Variants in ANGPT2 observed in about 807,000 individuals in gnomAD.
ANGPT2 encodes angiopoietin 2.
A neutral mutation model predicts 62.9 loss-of-function variants in ANGPT2; 28 were observed. That is an observed-to-expected ratio of 0.44 (90% CI 0.33 to 0.61). The LOEUF is 0.61. Among genes scored for constraint, ANGPT2 ranks in the 20% least tolerant of loss-of-function variants. The pLI is 0.03. For synonymous variants in ANGPT2, 284 were observed against 207.8 expected (o/e 1.37, Z -3.15); for missense variants, 727 against 594.9 (o/e 1.22, Z -2.31).
intron 7 of ANGPT2, among the ~76,000 whole-genome samples, chr8:6,511,110 T>C (rs937586402): frequency 5.3e-5 from 8 of 152,252 alleles, no homozygotes; most frequent in Non-Finnish European, 1.0e-4. Context: ...TGGAACTTGT[T>C]AAATTATCCC....
At chr8:6,527,377 G>T (rs1458516575) in intron 3 of ANGPT2, among the ~76,000 whole-genome samples, 178 bp downstream of exon 3, 2 of 152,258 alleles carry the variant, frequency 1.3e-5, no homozygotes, top group Non-Finnish European at 2.9e-5. Context: ...TGTTAGGAGA[G>T]CTGTGCCTGT....
At chr8:6,537,286 G>C (rs1820674407) in intron 1 of ANGPT2, among the ~76,000 whole-genome samples, 1 of 152,144 alleles carries the variant, frequency 6.6e-6, no homozygotes, top group African/African-American at 2.4e-5. Flanking sequence ...ATGTGTGCGA[G>C]GACAGTGTGT....
At chr8:6,503,695 G>C (rs1046287238) in intron 8 of ANGPT2, among the ~76,000 whole-genome samples, 1 of 152,152 alleles carries the variant, frequency 6.6e-6, no homozygotes, top group Admixed American at 6.6e-5. Context: ...TGATTTTTTC[G>C]GTTGAAGTTT....
intron 1 of ANGPT2, among the ~76,000 whole-genome samples, chr8:6,548,925 T>A (rs1013995494): frequency 1.3e-5 from 2 of 152,236 alleles, no homozygotes; most frequent in Non-Finnish European, 2.9e-5. Flanking sequence ...ACTACCTCCT[T>A]GTTAACCTCT....
Position 6,514,622 on chromosome 8 carries a change from A to G in ANGPT2, c.1029+55T>C, listed in dbSNP as rs898575981. On this transcript the variant is annotated intron_variant, in intron 6 of 8. Coordinates refer to ENST00000629816, the MANE Select transcript of ANGPT2 (RefSeq NM_001118887.2). The stretch of plus-strand genomic sequence containing the variant: ...GGTGGTTAAGGTTCCGCAGATCTTG[A>G]AAGCTATTTTTCACAAGGGAAATTC... 8.0e-6 allele frequency: 12 copies of G among 1,493,582 alleles called. No homozygotes were observed. In the Admixed American group the frequency reaches 8.4e-5, roughly 10 times the overall value. 92.5% of individuals were successfully genotyped at this position (1,493,582 alleles called of 1,614,324 possible).
intron 3 of ANGPT2, among the ~76,000 whole-genome samples, chr8:6,524,693 G>A (rs1016452406): frequency 2.0e-5 from 3 of 152,170 alleles, no homozygotes; most frequent in Non-Finnish European, 4.4e-5. Context: ...TAGATGTTTT[G>A]ATGGTCTTCA....
Position 6,563,044 on chromosome 8 carries a change from G to C in ANGPT2, c.-110C>G, listed in dbSNP as rs1318248168. 1.6e-6 allele frequency: 2 copies of C among 1,246,974 alleles called. No homozygotes were observed. The highest frequency in any genetic ancestry group is 1.1e-6 in the Non-Finnish European group (1 of 916,228). The allele number at this position is 1,246,974 out of a possible 1,614,324, so 77.2% of individuals were successfully genotyped here. On this transcript the variant is annotated 5_prime_UTR_variant, in exon 1 of 9. Coordinates refer to ENST00000629816, the MANE Select transcript of ANGPT2 (RefSeq NM_001118887.2). ...CAGGGCTGCTACGCTGCCATGGCTG[G>C]GTCCGTCAATGAAAGTCTTCTCTTT...
intron 1 of ANGPT2, among the ~76,000 whole-genome samples, chr8:6,561,447 TGAG>T (rs1438987226): frequency 1.3e-5 from 2 of 152,204 alleles, no homozygotes; most frequent in African/African-American, 2.4e-5. Flanking sequence ...GGGGAGGTAA[TGAG>T]GAGCACCGAT....
intron 2 of ANGPT2, among the ~76,000 whole-genome samples, chr8:6,530,166 C>T (rs544789488): frequency 6.6e-6 from 1 of 152,126 alleles, no homozygotes; most frequent in East Asian, 1.9e-4. Flanking sequence ...GGGCATGTGA[C>T]TTAATCATTA....
intron 1 of ANGPT2, among the ~76,000 whole-genome samples, chr8:6,548,159 T>C (rs939438668): frequency 3.9e-5 from 6 of 152,204 alleles, no homozygotes; most frequent in African/African-American, 1.2e-4. Flanking sequence ...CACTGGAATC[T>C]TGGCCTTCTC....
At chr8:6,533,273 C>CTCATT (rs1441528823) in intron 1 of ANGPT2, among the ~76,000 whole-genome samples, 2 of 152,212 alleles carry the variant, frequency 1.3e-5, no homozygotes, top group Non-Finnish European at 2.9e-5. Flanking sequence ...AAGGAAGAAG[C>CTCATT]TCATTTCACT....
intron 1 of ANGPT2, among the ~76,000 whole-genome samples, chr8:6,546,049 A>G (rs1472209910): frequency 6.6e-6 from 1 of 152,266 alleles, no homozygotes; most frequent in Non-Finnish European, 1.5e-5. Context: ...ACCCGGTGTG[A>G]GTCCCAGTTC....
chr8:6,529,892 T>A (rs565540572), intron 2 of ANGPT2, among the ~76,000 whole-genome samples: 3 of 151,728 alleles, frequency 2.0e-5, no homozygotes, highest in South Asian at 4.2e-4. Context: ...GTTTTTTTTT[T>A]AAATCATATG....
chr8:6,514,566 C>G, intron 6 of ANGPT2, 111 bp downstream of exon 6: 1 of 929,994 alleles, frequency 1.1e-6, no homozygotes, highest in East Asian at 2.4e-5. Context: ...TTTTAAAAAC[C>G]ATGTCAAAAG....
intron 2 of ANGPT2, among the ~76,000 whole-genome samples, chr8:6,531,315 G>C (rs1432803459): frequency 7.0e-6 from 1 of 143,836 alleles, no homozygotes; most frequent in Non-Finnish European, 1.5e-5. Context: ...TTGAGTTGAA[G>C]TCTCACTCTG....
At chr8:6,526,892 A>G (rs763308319) in intron 3 of ANGPT2, among the ~76,000 whole-genome samples, 1 of 152,108 alleles carries the variant, frequency 6.6e-6, no homozygotes. Context: ...TTTTTTTTCT[A>G]TTGTTGATCT....
chr8:6,559,782 A>C (rs1825234213), intron 1 of ANGPT2, among the ~76,000 whole-genome samples: 1 of 152,232 alleles, frequency 6.6e-6, no homozygotes, highest in Admixed American at 6.5e-5. Flanking sequence ...GGTTCACACT[A>C]GTTGCAGGAT....
chr8:6,507,338 G>T (rs1030827293), intron 8 of ANGPT2, among the ~76,000 whole-genome samples: 1 of 152,164 alleles, frequency 6.6e-6, no homozygotes, highest in African/African-American at 2.4e-5. Flanking sequence ...AATTTTTGCA[G>T]ATATGATTTA....
chr8:6,556,062 C>T (rs556317762), intron 1 of ANGPT2, among the ~76,000 whole-genome samples: 10 of 152,284 alleles, frequency 6.6e-5, no homozygotes, highest in African/African-American at 2.4e-4. Context: ...CTGCACTCGT[C>T]TCAAGATCGA....
Sources: allele counts gnomAD v4.1 joint callset (sites outside exome capture counted in the v4.1 genomes callset), GRCh38; gene constraint gnomAD v4.1.1; transcripts MANE v1.5; gene names NCBI Gene and HGNC (gene_info 2026-07-23, HGNC 2026-07-21).